The following TBC1D19 variants were observed in gnomAD, a reference collection of about 807,000 sequenced individuals.
TBC1D19 encodes TBC1 domain family member 19, also known as TBC1 domain family, member 19.
In TBC1D19, 60 loss-of-function variants were observed where a neutral mutation model predicts 89.0. The ratio of observed to expected loss-of-function variants is 0.67; its 90% confidence interval spans 0.55 to 0.84. The LOEUF is 0.84. Among genes scored for constraint, TBC1D19 ranks in the 40% least tolerant of loss-of-function variants. The pLI is 0.00. For missense variants in TBC1D19, 500 were observed against 610.8 expected (o/e 0.82, Z 1.91); for synonymous variants, 189 against 199.7 (o/e 0.95, Z 0.45).
chr4:26,580,313 TAAGCACCTTTG>T (rs1414494605), upstream of TBC1D19, among the ~76,000 whole-genome samples: 1 of 152,238 alleles, frequency 6.6e-6, no homozygotes, highest in East Asian at 1.9e-4. Context: ...CCTTGGGGTT[TAAGCACCTTTG>T]GTGCTTTTGT....
At chr4:26,658,799 A>C (rs974786201) in intron 7 of TBC1D19, among the ~76,000 whole-genome samples, 2 of 152,164 alleles carry the variant, frequency 1.3e-5, no homozygotes, top group African/African-American at 4.8e-5. Flanking sequence ...GAGGTTCTTC[A>C]CATCCCTTGT....
chr4:26,596,617 G>GTTTT (rs35281818), intron 1 of TBC1D19, among the ~76,000 whole-genome samples: 2 of 136,520 alleles, frequency 1.5e-5, no homozygotes, highest in Non-Finnish European at 3.1e-5. Context: ...CTTTCCTCCT[G>GTTTT]TTTTTTTTTT....
At chr4:26,584,523 G>C (rs1739300008) in intron 1 of TBC1D19, among the ~76,000 whole-genome samples, 1 of 152,230 alleles carries the variant, frequency 6.6e-6, no homozygotes, top group South Asian at 2.1e-4. Context: ...CCCAGGCGTG[G>C]TTAATAGATT....
chr4:26,627,247 C>T (rs1429112562), intron 4 of TBC1D19, among the ~76,000 whole-genome samples: 1 of 151,934 alleles, frequency 6.6e-6, no homozygotes, highest in East Asian at 1.9e-4. Flanking sequence ...GCATAGTATT[C>T]CATGGTGTAT....
the TBC1D19 span, among the ~76,000 whole-genome samples, chr4:26,783,498 C>T: frequency 6.6e-6 from 1 of 152,026 alleles, no homozygotes; most frequent in African/African-American, 2.4e-5. Context: ...TTTGAGTGTT[C>T]AAACATTTTG....
At chr4:26,761,576 C>T in the TBC1D19 span, among the ~76,000 whole-genome samples, 1 of 152,082 alleles carries the variant, frequency 6.6e-6, no homozygotes, top group East Asian at 1.9e-4. Context: ...GCTAAGCTTA[C>T]TACTTCTACT....
intron 11 of TBC1D19, among the ~76,000 whole-genome samples, chr4:26,674,375 A>T (rs1359355853): frequency 6.6e-6 from 1 of 152,152 alleles, no homozygotes; most frequent in African/African-American, 2.4e-5. Flanking sequence ...GGAAATATGA[A>T]TATGAAAAGA....
At chr4:26,723,209 A>G (rs1717086954) in intron 15 of TBC1D19, among the ~76,000 whole-genome samples, 1 of 152,114 alleles carries the variant, frequency 6.6e-6, no homozygotes, top group South Asian at 2.1e-4. Context: ...TCTCTGGGCA[A>G]TGATTCTGAA....
At chr4:26,803,660 C>G in the TBC1D19 span, among the ~76,000 whole-genome samples, 1 of 152,058 alleles carries the variant, frequency 6.6e-6, no homozygotes, top group Non-Finnish European at 1.5e-5. Flanking sequence ...TTGTCTCATG[C>G]CCATTTGTGG....
intron 1 of TBC1D19, among the ~76,000 whole-genome samples, chr4:26,592,928 G>A (rs1739920381): frequency 6.6e-6 from 1 of 152,032 alleles, no homozygotes; most frequent in African/African-American, 2.4e-5. Context: ...GTAATTTATA[G>A]ATTCAATGCC....
At chr4:26,763,275 G>A in the TBC1D19 span, among the ~76,000 whole-genome samples, 1 of 152,130 alleles carries the variant, frequency 6.6e-6, no homozygotes, top group Non-Finnish European at 1.5e-5. Context: ...AGGCTATAAA[G>A]GGAAGTGGGA....
At chr4:26,765,629 A>G in the TBC1D19 span, among the ~76,000 whole-genome samples, 1 of 152,098 alleles carries the variant, frequency 6.6e-6, no homozygotes, top group African/African-American at 2.4e-5. Context: ...TGAGCAATAA[A>G]CTTTACTGCT....
chr4:26,712,981 G>A (rs999726837), intron 13 of TBC1D19, among the ~76,000 whole-genome samples: 2 of 151,980 alleles, frequency 1.3e-5, no homozygotes, highest in African/African-American at 4.8e-5. Flanking sequence ...AAATTTCAGG[G>A]ATTAGGATGT....
the TBC1D19 span, among the ~76,000 whole-genome samples, chr4:26,852,501 G>C: frequency 6.6e-6 from 1 of 152,164 alleles, no homozygotes; most frequent in African/African-American, 2.4e-5. Context: ...AGGCTGCAGT[G>C]AGCTGTGATT....
intron 1 of TBC1D19, among the ~76,000 whole-genome samples, chr4:26,578,965 T>C (rs180837648): frequency 6.6e-6 from 1 of 152,350 alleles, no homozygotes; most frequent in Admixed American, 6.5e-5. Flanking sequence ...CAATGACATT[T>C]GCAAATATTC....
intron 17 of TBC1D19, chr4:26,740,783 G>T (rs1256326228): frequency 1.0e-6 from 1 of 985,210 alleles, no homozygotes; most frequent in African/African-American, 1.7e-5. Flanking sequence ...TTTCCCCAAA[G>T]AGGCAACTGT....
chr4:26,765,894 T>A, the TBC1D19 span, among the ~76,000 whole-genome samples: 1 of 152,188 alleles, frequency 6.6e-6, no homozygotes, highest in Non-Finnish European at 1.5e-5. Flanking sequence ...GACAAAATAA[T>A]TCCTCCTTTA....
chr4:26,719,459 A>G (rs996539815), intron 14 of TBC1D19, among the ~76,000 whole-genome samples: 1 of 152,136 alleles, frequency 6.6e-6, no homozygotes, highest in Non-Finnish European at 1.5e-5. Context: ...AGTAAAAGCT[A>G]TTTAAAGATA....
At chr4:26,699,007 A>G (rs531716902) in intron 13 of TBC1D19, among the ~76,000 whole-genome samples, 1 of 152,350 alleles carries the variant, frequency 6.6e-6, no homozygotes, top group South Asian at 2.1e-4. Context: ...GCCAAAATTG[A>G]CAAATGTTAT....
Sources: allele counts gnomAD v4.1 joint callset (sites outside exome capture counted in the v4.1 genomes callset), GRCh38; gene constraint gnomAD v4.1.1; transcripts MANE v1.5; gene names NCBI Gene and HGNC (gene_info 2026-07-23, HGNC 2026-07-21).